Variants in FAM193A observed in about 807,000 individuals in gnomAD.
FAM193A encodes the protein family with sequence similarity 193 member A, also known as protein FAM193A.
FAM193A carries 22 observed loss-of-function variants against 126.5 expected under a neutral mutation model. The ratio of observed to expected loss-of-function variants is 0.17; its 90% CI spans 0.12 to 0.25. FAM193A has a LOEUF of 0.25. Among genes scored for constraint, FAM193A ranks in the 10% least tolerant of loss-of-function variants. The probability of loss-of-function intolerance (pLI) is 1.00; values close to 1 mark genes in which losing one functional copy is unlikely to be tolerated. For synonymous variants in FAM193A, 761 were observed against 646.8 expected, an observed-to-expected ratio of 1.18 and a Z score of -2.68; for missense variants, 1,675 against 1,672.8, an observed-to-expected ratio of 1.00 and a Z score of -0.02.
At chr4:2,685,279 G>A (rs988527426) in intron 13 of FAM193A, among the ~76,000 whole-genome samples, 6 of 152,132 alleles carry the variant, frequency 3.9e-5, no homozygotes, top group Non-Finnish European at 7.4e-5. Flanking sequence ...GGGCCAGGGT[G>A]TATCTTTACA....
chr4:2,618,618 G>A (rs1184950264), intron 2 of FAM193A, among the ~76,000 whole-genome samples: 3 of 124,622 alleles, frequency 2.4e-5, no homozygotes, highest in African/African-American at 6.2e-5. Context: ...TTTTTGAGAC[G>A]AAGTTTTGCT....
At chr4:2,555,365 A>G (rs1025701024) in intron 1 of FAM193A, among the ~76,000 whole-genome samples, 2 of 152,172 alleles carry the variant, frequency 1.3e-5, no homozygotes, top group African/African-American at 2.4e-5. Context: ...TGTAATCCCA[A>G]TAATTTGGGA....
At chr4:2,694,261 T>C (rs1052057210) in intron 16 of FAM193A, among the ~76,000 whole-genome samples, 1 of 151,986 alleles carries the variant, frequency 6.6e-6, no homozygotes, top group Non-Finnish European at 1.5e-5. Flanking sequence ...AACAGGTGTG[T>C]TTTTTTGTTT....
Position 2,594,820 on chromosome 4 carries a change from C to CTTTTTTTTTTTTTTT in FAM193A, c.256-1252_256-1238dup, listed in dbSNP as rs386399069. Reference sequence around the variant, plus strand: ...GTTTCTTTCTTTTTCTTTTCTTTTCCTTTTTTTTTTTTTTTTTTTTTTTTT... The same window carrying CTTTTTTTTTTTTTTT: ...GTTTCTTTCTTTTTCTTTTCTTTTCCTTTTTTTTTTTTTTTTTTTTTTTTTTTTTTTTTTTTTTTT... On this transcript the variant is annotated intron_variant, in intron 1 of 20. Coordinates refer to ENST00000637812, the MANE Select transcript of FAM193A (RefSeq NM_001366318.2). Among the ~76,000 whole-genome samples, 3 of 62,230 alleles carry CTTTTTTTTTTTTTTT rather than the reference C, an allele frequency of 4.8e-5. 1 individual carries two copies. The highest frequency in any genetic ancestry group is 2.4e-4 in the African/African-American group (3 of 12,708). 40.8% of individuals were successfully genotyped at this position (62,230 alleles called of 152,430 possible). A position where few individuals can be genotyped will look rare whatever the true frequency, so the allele number is the denominator to read the frequency against.
At chr4:2,554,479 TA>T (rs769298221) in intron 1 of FAM193A, among the ~76,000 whole-genome samples, 29 of 152,198 alleles carry the variant, frequency 1.9e-4, no homozygotes, top group Admixed American at 1.4e-3. Context: ...TCAAAAAATT[TA>T]AGGTTTTATG....
At chr4:2,683,025 G>A (rs554446914) in intron 13 of FAM193A, among the ~76,000 whole-genome samples, 9 of 152,294 alleles carry the variant, frequency 5.9e-5, no homozygotes, top group African/African-American at 2.2e-4. Flanking sequence ...AGGTCTGCTG[G>A]TGATGAGCTC....
intron 2 of FAM193A, among the ~76,000 whole-genome samples, chr4:2,604,210 A>G (rs1333156308): frequency 6.6e-6 from 1 of 152,162 alleles, no homozygotes; most frequent in Non-Finnish European, 1.5e-5. Flanking sequence ...CATGGTCTGT[A>G]TGATAGTGAT....
intron 5 of FAM193A, among the ~76,000 whole-genome samples, chr4:2,631,398 A>G (rs1743569391): frequency 6.6e-6 from 1 of 152,076 alleles, no homozygotes; most frequent in Non-Finnish European, 1.5e-5. Context: ...GTGACACCTC[A>G]TGGTAGTACT....
chr4:2,580,773 C>T (rs545533274), intron 1 of FAM193A, among the ~76,000 whole-genome samples: 1 of 152,370 alleles, frequency 6.6e-6, no homozygotes, highest in African/African-American at 2.4e-5. Context: ...GGAGCAGATG[C>T]TGGTGCCATG....
intron 1 of FAM193A, among the ~76,000 whole-genome samples, chr4:2,539,349 C>G (rs908748321): frequency 6.6e-6 from 1 of 152,110 alleles, no homozygotes; most frequent in African/African-American, 2.4e-5. Context: ...GGGCACAGAC[C>G]CTTGCCACTG....
chr4:2,541,012 T>G (rs1244800090), intron 1 of FAM193A, among the ~76,000 whole-genome samples: 1 of 149,104 alleles, frequency 6.7e-6, no homozygotes, highest in East Asian at 2.0e-4. Context: ...GGCTGACACC[T>G]ATAATCCTAG....
chr4:2,684,979 A>G (rs564763474), intron 13 of FAM193A, among the ~76,000 whole-genome samples: 1 of 152,184 alleles, frequency 6.6e-6, no homozygotes, highest in Non-Finnish European at 1.5e-5. Context: ...TAGGAAGTTA[A>G]CGACTACAGG....
chr4:2,569,740 A>G (rs1020635380), intron 1 of FAM193A, among the ~76,000 whole-genome samples: 3 of 151,976 alleles, frequency 2.0e-5, no homozygotes, highest in Admixed American at 1.3e-4. Flanking sequence ...CCTGGGCTCA[A>G]GTGATCCTCC....
chr4:2,559,553 C>T (rs1387346450), intron 1 of FAM193A, among the ~76,000 whole-genome samples: 1 of 152,206 alleles, frequency 6.6e-6, no homozygotes. Flanking sequence ...ACCTTGGTCT[C>T]CCAAAGTGCT....
chr4:2,627,385 A>AAACAGG lies in FAM193A; in HGVS notation c.803+808_803+809insAACAGG, dbSNP rs1560494614. Among the ~76,000 whole-genome samples, 611 of 136,992 alleles carry AAACAGG rather than the reference A, an allele frequency of 4.5e-3. 15 individuals are homozygous for AAACAGG. The highest frequency in any genetic ancestry group is 9.5e-3 in the South Asian group (37 of 3,906). 89.9% of individuals were successfully genotyped at this position (136,992 alleles called of 152,430 possible). On this transcript the variant is annotated intron_variant, in intron 4 of 20. Transcript: ENST00000637812. ...CATGTTGGTCAGGTTGGTCTCTAAC[A>AAACAGG]TAATCCACCTGCCTTGACCTCCCAA...
At chr4:2,583,723 C>T (rs1449564893) in intron 1 of FAM193A, among the ~76,000 whole-genome samples, 1 of 152,156 alleles carries the variant, frequency 6.6e-6, no homozygotes, top group Admixed American at 6.5e-5. Flanking sequence ...ACTCTTCTTA[C>T]TAGTGTGTCT....
At chr4:2,638,420 C>T (rs17164059) in intron 5 of FAM193A, among the ~76,000 whole-genome samples, 4,372 of 152,300 alleles carry the variant, frequency 0.029, 225 homozygotes, top group African/African-American at 0.099. Context: ...TCTCCTGCCA[C>T]GTGCATTTTT....
At chr4:2,564,708 G>T (rs1738829911) in intron 1 of FAM193A, among the ~76,000 whole-genome samples, 1 of 152,124 alleles carries the variant, frequency 6.6e-6, no homozygotes, top group African/African-American at 2.4e-5. Context: ...AGTATTCATA[G>T]AATCAATTCC....
intron 6 of FAM193A, among the ~76,000 whole-genome samples, chr4:2,645,164 A>G (rs1745009194): frequency 6.6e-6 from 1 of 152,072 alleles, no homozygotes; most frequent in South Asian, 2.1e-4. Flanking sequence ...TAGTGTTTTT[A>G]TGTAAATAGT....
Sources: gnomAD v4.1 joint callset for allele counts (sites outside exome capture counted in the v4.1 genomes callset) on GRCh38, gnomAD v4.1.1 for gene constraint, MANE v1.5 for transcripts, NCBI Gene and HGNC (gene_info 2026-07-23, HGNC 2026-07-21) for gene names.